Variants in CENPP observed in about 807,000 individuals in gnomAD.
CENPP encodes the protein centromere protein P.
Under a neutral mutation model 35.6 loss-of-function variants are expected in CENPP, and 24 were observed. That is an observed-to-expected ratio of 0.67 (90% CI 0.49 to 0.95). The LOEUF is 0.95. Among genes scored for constraint, CENPP ranks in the 40% least tolerant of loss-of-function variants. CENPP has a pLI of 0.00. For synonymous variants in CENPP, 120 were observed against 125.5 expected (o/e 0.96, Z 0.29); for missense variants, 332 against 345.3 (o/e 0.96, Z 0.31).
At chr9:92,395,133 A>G (rs970162685) in intron 5 of CENPP, among the ~76,000 whole-genome samples, 1 of 152,136 alleles carries the variant, frequency 6.6e-6, no homozygotes, top group African/African-American at 2.4e-5. Context: ...AACGTTCACT[A>G]CAAGTGAGTT....
At chr9:92,394,497 T>A (rs2130907463) in intron 5 of CENPP, among the ~76,000 whole-genome samples, 1 of 151,632 alleles carries the variant, frequency 6.6e-6, no homozygotes, top group Non-Finnish European at 1.5e-5. Context: ...GTGATCTGCC[T>A]GCCTCGGTCT....
At chr9:92,599,394 TTTTTG>T (rs972049644) in intron 5 of CENPP, among the ~76,000 whole-genome samples, 3 of 151,806 alleles carry the variant, frequency 2.0e-5, no homozygotes, top group African/African-American at 7.3e-5. Flanking sequence ...TGGTCAGTAG[TTTTTG>T]TTTTGTTTTG....
chr9:92,502,778 C>A, intron 5 of CENPP: 185 of 543,986 alleles, frequency 3.4e-4, no homozygotes, highest in Non-Finnish European at 4.7e-4. Context: ...ACTGCTCTTT[C>A]AAGTAAGCTC....
chr9:92,403,682 A>G (rs1330945676), intron 5 of CENPP: 4 of 1,017,828 alleles, frequency 3.9e-6, no homozygotes, highest in Non-Finnish European at 4.8e-6. Context: ...GAAATTCAAG[A>G]AAGATTGATA....
At chr9:92,505,766 AT>A (rs1846967210) in intron 5 of CENPP, 2 of 1,226,026 alleles carry the variant, frequency 1.6e-6, no homozygotes, top group Non-Finnish European at 2.3e-6. Flanking sequence ...TTGAAATGTC[AT>A]GTGAAATGGC....
At chr9:92,518,803 C>T (rs1270195320) in intron 5 of CENPP, among the ~76,000 whole-genome samples, 4 of 152,126 alleles carry the variant, frequency 2.6e-5, no homozygotes, top group African/African-American at 7.2e-5. Flanking sequence ...GCATAAGAAT[C>T]GCTTGAACCC....
At chr9:92,535,721 T>C (rs1270514882) in intron 5 of CENPP, among the ~76,000 whole-genome samples, 2 of 151,978 alleles carry the variant, frequency 1.3e-5, no homozygotes, top group Non-Finnish European at 1.5e-5. Flanking sequence ...CCTAAACATA[T>C]AAAAATAATT....
At chr9:92,512,133 C>A in intron 5 of CENPP, 1 of 1,606,278 alleles carries the variant, frequency 6.2e-7, no homozygotes, top group South Asian at 1.1e-5. Context: ...TTGCCTAGGA[C>A]ACACAGCGGT....
chr9:92,388,410 C>A (rs147190248), intron 5 of CENPP, among the ~76,000 whole-genome samples: 9 of 152,162 alleles, frequency 5.9e-5, no homozygotes, highest in Non-Finnish European at 1.0e-4. Context: ...GATCCGCCTG[C>A]CTCATCCTCC....
At chr9:92,594,538 C>G (rs1850732223) in intron 5 of CENPP, among the ~76,000 whole-genome samples, 1 of 152,176 alleles carries the variant, frequency 6.6e-6, no homozygotes, top group Non-Finnish European at 1.5e-5. Context: ...TTATCATTGT[C>G]CTTTGGACTA....
chr9:92,561,459 CAGGAA>C (rs2131342185), intron 5 of CENPP, among the ~76,000 whole-genome samples: 1 of 152,306 alleles, frequency 6.6e-6, no homozygotes, highest in South Asian at 2.1e-4. Context: ...GTCCCTACAG[CAGGAA>C]ATTGTTTTTG....
rs146753510 is a variant in CENPP, at chr9:92,546,516, C to G, written c.565-64798C>G. On this transcript the variant is annotated intron_variant, in intron 5 of 7. Coordinates refer to ENST00000375587, the MANE Select transcript of CENPP (RefSeq NM_001012267.3). ...GAGAAAAGAACAACTCCAGACGCAC[C>G]GCCTTAAGAGCTGTAATAGTCAACG... Among the ~76,000 whole-genome samples the G allele has an allele frequency of 1.3e-3, 202 of 151,940 alleles. 4 individuals are homozygous for G. The East Asian group carries it at 0.025, about 19-fold the overall frequency.
At chr9:92,457,115 G>A in intron 5 of CENPP, 2 of 1,407,984 alleles carry the variant, frequency 1.4e-6, no homozygotes, top group East Asian at 2.6e-5. Flanking sequence ...TGTATCAATA[G>A]TTTGGCAAAA....
Position 92,554,330 on chromosome 9 carries a change from C to T in CENPP, c.565-56984C>T, listed in dbSNP as rs531291978. On this transcript the variant is annotated intron_variant, in intron 5 of 7. Transcript: ENST00000375587. ...TCCCCAGTAGCTGGGATTACAGGCA[C>T]GTGCCACCACTCCCAGCTAATTTTT... 5.3e-5 allele frequency among the ~76,000 whole-genome samples: 8 copies of T among 152,112 alleles called. 1 individual carries two copies. In the East Asian group the frequency reaches 1.6e-3, roughly 29 times the overall value.
At chr9:92,344,167 G>A (rs1355417260) in intron 3 of CENPP, among the ~76,000 whole-genome samples, 1 of 152,096 alleles carries the variant, frequency 6.6e-6, no homozygotes, top group Non-Finnish European at 1.5e-5. Flanking sequence ...ACCAACTGGG[G>A]AGAATTGACC....
chr9:92,570,648 G>A lies in CENPP; in HGVS notation c.565-40666G>A, dbSNP rs557147500. On this transcript the variant is annotated intron_variant, in intron 5 of 7. Coordinates refer to ENST00000375587, the MANE Select transcript of CENPP (RefSeq NM_001012267.3). ...CTGTTGTTTGAAATGGTTCCAGAAG[G>A]AATGGTACCAGCTCCTCTTTGTACC... Among the ~76,000 whole-genome samples, 4 of 152,294 alleles carry A rather than the reference G, an allele frequency of 2.6e-5. No individual in the cohort carries two copies. The East Asian group carries it at 7.7e-4, about 29-fold the overall frequency.
intron 5 of CENPP, chr9:92,393,007 A>G: frequency 1.8e-6 from 2 of 1,140,540 alleles, no homozygotes; most frequent in Non-Finnish European, 2.5e-6. Flanking sequence ...GATAGGCAGC[A>G]ACTATATAGA....
At chr9:92,580,357 G>T (rs1417823396) in intron 5 of CENPP, among the ~76,000 whole-genome samples, 1 of 152,096 alleles carries the variant, frequency 6.6e-6, no homozygotes, top group Non-Finnish European at 1.5e-5. Context: ...CTGTTGATTG[G>T]AATAGTTTCA....
intron 5 of CENPP, among the ~76,000 whole-genome samples, chr9:92,469,784 A>G (rs1372941048): frequency 6.6e-6 from 1 of 152,032 alleles, no homozygotes; most frequent in Non-Finnish European, 1.5e-5. Context: ...GTGGCGGGGG[A>G]AATGAGGTGC....
Sources: allele counts gnomAD v4.1 joint callset (sites outside exome capture counted in the v4.1 genomes callset), GRCh38; gene constraint gnomAD v4.1.1; transcripts MANE v1.5; gene names NCBI Gene and HGNC (gene_info 2026-07-23, HGNC 2026-07-21).